Variants in TMOD3 observed in about 807,000 individuals in gnomAD.
TMOD3 encodes the protein tropomodulin 3.
Under a neutral mutation model 39.2 loss-of-function variants are expected in TMOD3, and 20 were observed. The ratio of observed to expected loss-of-function variants is 0.51; its 90% CI spans 0.36 to 0.74. TMOD3 has a LOEUF of 0.74. Among genes scored for constraint, TMOD3 ranks in the 30% least tolerant of loss-of-function variants. TMOD3 has a pLI of 0.00. For missense variants in TMOD3, 381 were observed against 412.8 expected, an observed-to-expected ratio of 0.92 and a Z score of 0.67; for synonymous variants, 143 against 145.8, an observed-to-expected ratio of 0.98 and a Z score of 0.14.
chr15:51,865,406 C>G (rs1277225320), intron 2 of TMOD3, among the ~76,000 whole-genome samples: 1 of 152,068 alleles, frequency 6.6e-6, no homozygotes, highest in Non-Finnish European at 1.5e-5. Context: ...AGATCCCTCA[C>G]TGCCTGATTG....
intron 1 of TMOD3, among the ~76,000 whole-genome samples, chr15:51,835,441 T>C (rs1322731685): frequency 6.6e-6 from 1 of 152,164 alleles, no homozygotes; most frequent in Admixed American, 6.5e-5. Flanking sequence ...TATTAATAGC[T>C]GGGACTACAG....
intron 9 of TMOD3, among the ~76,000 whole-genome samples, chr15:51,903,987 G>T (rs1040270529): frequency 2.6e-5 from 4 of 152,188 alleles, no homozygotes; most frequent in Non-Finnish European, 5.9e-5. Flanking sequence ...TGTTATGCAG[G>T]ATAAGCTGAG....
At chr15:51,874,440 C>T (rs945213868) in intron 3 of TMOD3, among the ~76,000 whole-genome samples, 5 of 152,136 alleles carry the variant, frequency 3.3e-5, no homozygotes, top group African/African-American at 9.7e-5. Context: ...ACCTCTTCCT[C>T]CTTAAAATTT....
intron 9 of TMOD3, among the ~76,000 whole-genome samples, chr15:51,902,705 A>C (rs2056658648): frequency 7.4e-6 from 1 of 135,542 alleles, no homozygotes; most frequent in African/African-American, 2.8e-5. Flanking sequence ...GCTGGAGTGC[A>C]GTGGCACGAT....
chr15:51,883,757 T>C (rs2056546174), intron 3 of TMOD3, among the ~76,000 whole-genome samples: 1 of 152,164 alleles, frequency 6.6e-6, no homozygotes, highest in Non-Finnish European at 1.5e-5. Flanking sequence ...CATGAGAATT[T>C]TCTAAAGCTC....
At chr15:51,896,644 G>GC in intron 7 of TMOD3, 118 bp downstream of exon 7, 3 of 683,924 alleles carry the variant, frequency 4.4e-6, no homozygotes, top group South Asian at 2.2e-5. Flanking sequence ...TCACTATTAG[G>GC]CAGTATATTA....
chr15:51,884,066 C>G (rs1356035521), intron 3 of TMOD3, among the ~76,000 whole-genome samples: 1 of 152,140 alleles, frequency 6.6e-6, no homozygotes, highest in Non-Finnish European at 1.5e-5. Flanking sequence ...AAGTCTGTTG[C>G]TAAAATAAAT....
At chr15:51,836,974 A>G (rs2056287867) in intron 1 of TMOD3, among the ~76,000 whole-genome samples, 1 of 152,182 alleles carries the variant, frequency 6.6e-6, no homozygotes, top group South Asian at 2.1e-4. Flanking sequence ...AAGCATGAAC[A>G]TCATGATAAG....
chr15:51,887,914 T>G (rs1172974062), intron 4 of TMOD3, among the ~76,000 whole-genome samples: 1 of 152,232 alleles, frequency 6.6e-6, no homozygotes, highest in Non-Finnish European at 1.5e-5. Flanking sequence ...AGCAAAATGT[T>G]TATATTAAGA....
chr15:51,903,708 C>T (rs186377189), intron 9 of TMOD3, among the ~76,000 whole-genome samples: 5 of 152,232 alleles, frequency 3.3e-5, no homozygotes, highest in Admixed American at 2.0e-4. Context: ...TTCCTTCAGG[C>T]GTTTAATTTG....
rs113492906 is a variant in TMOD3, at chr15:51,860,360, A to G, written c.-74-2451A>G. On this transcript the variant is annotated intron_variant, in intron 1 of 9. Transcript: ENST00000308580. ...TAAGGATTTCTTCAGAATAATCAGG[A>G]TTCTCCACATCCATGTTGGCTTTTT... The G allele has an allele frequency of 1.6e-4, 87 of 542,500 alleles. 2 individuals carry two copies. The highest frequency in any genetic ancestry group is 1.3e-3 in the African/African-American group (70 of 52,356). The allele number at this position is 542,500 out of a possible 1,614,324, so 33.6% of individuals were successfully genotyped here.
chr15:51,836,649 T>A (rs1262370095), intron 1 of TMOD3, among the ~76,000 whole-genome samples: 1 of 149,042 alleles, frequency 6.7e-6, no homozygotes, highest in Admixed American at 6.7e-5. Flanking sequence ...CGCTTGAACC[T>A]GGGAGGTGGA....
At chr15:51,905,913 C>CGCAGTCA (rs2056676447) in intron 9 of TMOD3, among the ~76,000 whole-genome samples, 1 of 122,688 alleles carries the variant, frequency 8.2e-6, no homozygotes, top group Admixed American at 1.1e-4. Context: ...CACTGCAGTC[C>CGCAGTCA]GCAGTCCGGC....
rs764994123 is a variant in TMOD3, at chr15:51,869,157, G to A, written c.127-60G>A. 171 of 1,549,018 alleles carry A rather than the reference G, an allele frequency of 1.1e-4. No individual in the cohort carries two copies. Among genetic ancestry groups the A allele is most frequent in the Non-Finnish European group, 1.4e-4 (165 of 1,143,602 alleles). ...ATTCTTTTTTATATGGGTAATCTTC[G>A]GAAGCATATAGCATTAGCATTCTTA... is the stretch of plus-strand genomic sequence containing the variant. On this transcript the variant is annotated intron_variant, in intron 2 of 9. Transcript: ENST00000308580.
chr15:51,860,443 A>G, intron 1 of TMOD3: 1 of 559,896 alleles, frequency 1.8e-6, no homozygotes, highest in Non-Finnish European at 3.6e-6. Flanking sequence ...ATCCTAAAGT[A>G]GTCTTGATAA....
chr15:51,853,318 C>T (rs191185917), intron 1 of TMOD3, among the ~76,000 whole-genome samples: 2 of 152,240 alleles, frequency 1.3e-5, no homozygotes, highest in Admixed American at 6.5e-5. Flanking sequence ...CCTCCCACCT[C>T]GGCCTCCTAC....
In TMOD3 at chr15:51,889,040, T is replaced by C; in HGVS notation, c.407-16T>C. ...ATGTTTAAAACAATAAAAACTTTCT[T>C]TTTCTGTATTTATAGCAATTCTTGG... On this transcript the variant is annotated splice_polypyrimidine_tract_variant and intron_variant, in intron 4 of 9. Coordinates refer to ENST00000308580, the MANE Select transcript of TMOD3 (RefSeq NM_014547.5). The C allele has an allele frequency of 2.0e-6, 3 of 1,527,204 alleles. No individual in the cohort carries two copies. Among genetic ancestry groups the C allele is most frequent in the Non-Finnish European group, 2.7e-6 (3 of 1,126,778 alleles). 94.6% of individuals were successfully genotyped at this position (1,527,204 alleles called of 1,614,324 possible).
chr15:51,864,636 C>T (rs1278520030), intron 2 of TMOD3, among the ~76,000 whole-genome samples: 1 of 152,054 alleles, frequency 6.6e-6, no homozygotes, highest in African/African-American at 2.4e-5. Flanking sequence ...GGTCCAGAGC[C>T]TTTATTGTGG....
chr15:51,888,058 G>T (rs926149396), intron 4 of TMOD3, among the ~76,000 whole-genome samples: 7 of 152,110 alleles, frequency 4.6e-5, no homozygotes, highest in African/African-American at 1.7e-4. Context: ...AGGGTCAACC[G>T]CTGACCTACT....
Sources: gnomAD v4.1 joint callset for allele counts (sites outside exome capture counted in the v4.1 genomes callset) on GRCh38, gnomAD v4.1.1 for gene constraint, MANE v1.5 for transcripts, NCBI Gene and HGNC (gene_info 2026-07-23, HGNC 2026-07-21) for gene names.